The following NRXN3 variants were observed in gnomAD, a reference collection of about 807,000 sequenced individuals.
The protein encoded by NRXN3 is neurexin 3, also known as neurexin III.
A neutral mutation model predicts 137.6 loss-of-function variants in NRXN3; 32 were observed. That is an observed-to-expected ratio of 0.23 (90% CI 0.18 to 0.31). NRXN3 has a LOEUF of 0.31. Among genes scored for constraint, NRXN3 ranks in the 10% least tolerant of loss-of-function variants. The pLI, the probability that NRXN3 is intolerant of heterozygous loss-of-function variation, is 1.00. For synonymous variants in NRXN3, 798 were observed against 784.5 expected, an observed-to-expected ratio of 1.02 and a Z score of -0.29; for missense variants, 1,574 against 2,062.5, an observed-to-expected ratio of 0.76 and a Z score of 4.59.
intron 17 of NRXN3, among the ~76,000 whole-genome samples, chr14:79,687,020 C>A (rs374532963): frequency 6.6e-6 from 1 of 152,260 alleles, no homozygotes; most frequent in East Asian, 1.9e-4. Context: ...TTCCCACAAG[C>A]TGATCAATTT....
Position 79,759,534 on chromosome 14 carries a change from C to A in NRXN3, c.4015-45578C>A, listed in dbSNP as rs552361358. ...CTTCTTTCAGTCTTATCAAGGAGAG[C>A]AAATTCCTCCTAGAAGTCTTATTTC... On this transcript the variant is annotated intron_variant, in intron 19 of 20. Transcript: ENST00000335750. 1.8e-4 allele frequency among the ~76,000 whole-genome samples: 28 copies of A among 151,680 alleles called. 1 individual carries two copies. Among genetic ancestry groups the A allele is most frequent in the Non-Finnish European group, 3.5e-4 (24 of 67,998 alleles).
intron 4 of NRXN3, among the ~76,000 whole-genome samples, chr14:78,585,815 C>T (rs1026539984): frequency 8.6e-5 from 13 of 152,026 alleles, no homozygotes; most frequent in Non-Finnish European, 1.3e-4. Context: ...CTTGCATTTC[C>T]GTGTCTAGGA....
At chr14:79,449,698 A>G (rs961379176) in intron 15 of NRXN3, among the ~76,000 whole-genome samples, 1 of 152,186 alleles carries the variant, frequency 6.6e-6, no homozygotes, top group Non-Finnish European at 1.5e-5. Flanking sequence ...AGAGTATAAG[A>G]TATAGAATCG....
chr14:78,727,773 A>G (rs2098493164), intron 8 of NRXN3, among the ~76,000 whole-genome samples: 1 of 152,134 alleles, frequency 6.6e-6, no homozygotes, highest in Non-Finnish European at 1.5e-5. Flanking sequence ...AGGTAACATC[A>G]CATTTACCAC....
intron 2 of NRXN3, among the ~76,000 whole-genome samples, chr14:78,264,905 G>A (rs1391667740): frequency 2.0e-5 from 3 of 152,126 alleles, no homozygotes; most frequent in African/African-American, 7.2e-5. Flanking sequence ...TTGTCTTGAT[G>A]GTTGAAGGCT....
intron 15 of NRXN3, among the ~76,000 whole-genome samples, chr14:79,126,225 G>A (rs2056411620): frequency 6.6e-6 from 1 of 151,858 alleles, no homozygotes; most frequent in Non-Finnish European, 1.5e-5. Context: ...TGCACAATGT[G>A]CAGGTTAGTT....
intron 1 of NRXN3, among the ~76,000 whole-genome samples, chr14:78,209,893 C>A (rs1367717517): frequency 6.6e-6 from 1 of 152,160 alleles, no homozygotes; most frequent in Non-Finnish European, 1.5e-5. Flanking sequence ...GAGTACTTGT[C>A]ACCATTGGGC....
At chr14:79,497,595 G>T (rs1220678068) in intron 16 of NRXN3, among the ~76,000 whole-genome samples, 1 of 151,968 alleles carries the variant, frequency 6.6e-6, no homozygotes, top group East Asian at 1.9e-4. Context: ...GTTTTTGTTG[G>T]TTTGTGTGTC....
At chr14:78,177,125 G>C (rs1350466303) in intron 1 of NRXN3, among the ~76,000 whole-genome samples, 2 of 152,154 alleles carry the variant, frequency 1.3e-5, no homozygotes, top group African/African-American at 4.8e-5. Flanking sequence ...CAAGCAGCTG[G>C]TATCTGGATG....
chr14:79,246,138 A>G (rs1447806237), intron 15 of NRXN3, among the ~76,000 whole-genome samples: 1 of 152,176 alleles, frequency 6.6e-6, no homozygotes, highest in Non-Finnish European at 1.5e-5. Context: ...TTGACACTGT[A>G]AGGGACACTT....
intron 15 of NRXN3, among the ~76,000 whole-genome samples, chr14:79,438,176 G>A (rs4903859): frequency 0.34 from 51,820 of 151,980 alleles, 9,103 homozygotes; most frequent in South Asian, 0.49. Context: ...GCCTGGGACT[G>A]TAGCCTTGTC....
intron 8 of NRXN3, among the ~76,000 whole-genome samples, chr14:78,724,007 A>T (rs1294261903): frequency 6.6e-6 from 1 of 152,218 alleles, no homozygotes; most frequent in Non-Finnish European, 1.5e-5. Context: ...ATGATCTGTT[A>T]TGACTGTAGT....
intron 15 of NRXN3, among the ~76,000 whole-genome samples, chr14:79,126,744 C>T (rs946547983): frequency 5.3e-5 from 8 of 152,112 alleles, no homozygotes; most frequent in Non-Finnish European, 8.8e-5. Flanking sequence ...CCTGAGGAAT[C>T]GCCACACTGA....
chr14:78,312,710 T>C (rs1278147235), intron 4 of NRXN3, among the ~76,000 whole-genome samples: 1 of 152,136 alleles, frequency 6.6e-6, no homozygotes, highest in Non-Finnish European at 1.5e-5. Flanking sequence ...TGCCCGTCCG[T>C]GAGGCAGCCT....
intron 15 of NRXN3, among the ~76,000 whole-genome samples, chr14:79,168,534 T>A (rs555017360): frequency 6.6e-6 from 1 of 152,042 alleles, no homozygotes; most frequent in Admixed American, 6.6e-5. Flanking sequence ...GGTGCTTTTC[T>A]TTTTCTACCA....
rs759711936 is a variant in NRXN3 at position 79,861,869 on chromosome 14, G to T, written c.4621G>T (p.Ala1541Ser). The change falls in exon 21 of 21, where the codon GCC becomes TCC. Residue 1541 changes from alanine (A) to serine (S), a missense_variant. Around this residue, in one of 5 missense-constraint regions of NRXN3, gnomAD observed 320 missense variants for 387.1 expected, o/e 0.83. Coordinates refer to ENST00000335750, the MANE Select transcript of NRXN3 (RefSeq NM_001330195.2). The surrounding 1 kb of genome is among the most constrained non-coding windows in gnomAD (Gnocchi z 5.4). ...DETRNYISNS[A>S]QSNGTLMKEK... Reference sequence around the variant, plus strand: ...GACGCGGAACTACATCAGCAACTCCGCCCAGAGCAACGGCACGCTCATGAA... The same window carrying T: ...GACGCGGAACTACATCAGCAACTCCTCCCAGAGCAACGGCACGCTCATGAA... The T allele has an allele frequency of 6.2e-7, 1 of 1,614,052 alleles. No individual in the cohort carries two copies. Among genetic ancestry groups the T allele is most frequent in the Non-Finnish European group, 8.5e-7 (1 of 1,179,996 alleles).
chr14:79,162,318 G>C (rs1341683110), intron 15 of NRXN3, among the ~76,000 whole-genome samples: 2 of 132,836 alleles, frequency 1.5e-5, no homozygotes, highest in Admixed American at 1.7e-4. Context: ...ACAGTCCCCA[G>C]AGTGTGATGT....
intron 9 of NRXN3, among the ~76,000 whole-genome samples, chr14:78,807,808 C>G (rs2098885893): frequency 6.7e-6 from 1 of 148,264 alleles, no homozygotes; most frequent in South Asian, 2.2e-4. Flanking sequence ...TATCATTTAC[C>G]ATAATTTAAA....
chr14:78,982,888 T>G (rs2099492959), intron 14 of NRXN3, among the ~76,000 whole-genome samples: 1 of 152,152 alleles, frequency 6.6e-6, no homozygotes, highest in African/African-American at 2.4e-5. Context: ...AGTGTATATC[T>G]GATAAGGCAC....
Sources: gnomAD v4.1 joint callset for allele counts (sites outside exome capture counted in the v4.1 genomes callset) on GRCh38, gnomAD v4.1.1 for gene constraint, gnomAD v4.1.1 regional missense constraint, Gnocchi (gnomAD v3.1) non-coding constraint, MANE v1.5 for transcripts, NCBI Gene and HGNC (gene_info 2026-07-23, HGNC 2026-07-21) for gene names.